CSMD3: variants seen among roughly 807,000 people sequenced by gnomAD.
The protein encoded by CSMD3 is CUB and Sushi multiple domains 3.
Under a neutral mutation model 435.2 loss-of-function variants are expected in CSMD3, and 177 were observed. The ratio of observed to expected loss-of-function variants is 0.41; its 90% CI spans 0.36 to 0.46. The LOEUF (loss-of-function observed/expected upper bound fraction) is 0.46, where lower values mean the gene tolerates loss of function less well. CSMD3 is among the 20% of genes least tolerant of loss of function. The pLI is 0.34. For synonymous variants in CSMD3, 1,656 were observed against 1,520.5 expected (o/e 1.09, Z -2.07); for missense variants, 4,265 against 4,504.6 (o/e 0.95, Z 1.52).
At chr8:112,612,904 AT>A (rs35820843) in intron 22 of CSMD3, among the ~76,000 whole-genome samples, 14 of 29,576 alleles carry the variant, frequency 4.7e-4, no homozygotes, top group South Asian at 1.1e-3. Context: ...TATTATTATT[AT>A]TTTTTTTTTG....
chr8:112,857,010 A>C (rs1214993513), intron 11 of CSMD3, among the ~76,000 whole-genome samples: 4 of 151,904 alleles, frequency 2.6e-5, no homozygotes, highest in East Asian at 3.9e-4. Flanking sequence ...TTTAATAATA[A>C]ACAGATTACA....
At chr8:112,243,513 C>G (rs1018635469) in intron 65 of CSMD3, among the ~76,000 whole-genome samples, 2 of 152,034 alleles carry the variant, frequency 1.3e-5, no homozygotes, top group Non-Finnish European at 2.9e-5. Flanking sequence ...TCACCCAGAT[C>G]TGGTCCAAAT....
chr8:112,414,557 A>G (rs1006722229), intron 32 of CSMD3, among the ~76,000 whole-genome samples: 3 of 152,210 alleles, frequency 2.0e-5, no homozygotes, highest in Non-Finnish European at 2.9e-5. Flanking sequence ...GCAGTGTGAG[A>G]ACAGGCTAAT....
intron 10 of CSMD3, among the ~76,000 whole-genome samples, chr8:112,910,235 G>A (rs984525244): frequency 6.6e-6 from 1 of 151,660 alleles, no homozygotes; most frequent in Non-Finnish European, 1.5e-5. Context: ...AGCCAGGGAT[G>A]GGGATCACTG....
intron 30 of CSMD3, among the ~76,000 whole-genome samples, chr8:112,494,539 CTTTCTTTCT>C (rs1172722553): frequency 1.4e-4 from 17 of 121,580 alleles, no homozygotes; most frequent in Admixed American, 2.5e-4. Flanking sequence ...TTCTTTCTTT[CTTTCTTTCT>C]TTCTTTCTTT....
chr8:113,249,115 G>A (rs1167853479), intron 3 of CSMD3, among the ~76,000 whole-genome samples: 1 of 151,916 alleles, frequency 6.6e-6, no homozygotes, highest in African/African-American at 2.4e-5. Flanking sequence ...CTTAATATGG[G>A]GAATTCCCCT....
At chr8:113,018,876 A>T in intron 6 of CSMD3, 191 bp downstream of exon 6, 1 of 595,870 alleles carries the variant, frequency 1.7e-6, no homozygotes, top group Non-Finnish European at 3.0e-6. Context: ...ATATTATACT[A>T]TAAAATCAAC....
chr8:112,684,179 A>C (rs533002227), intron 15 of CSMD3, among the ~76,000 whole-genome samples: 1 of 152,152 alleles, frequency 6.6e-6, no homozygotes, highest in African/African-American at 2.4e-5. Context: ...TTATAGATAG[A>C]TAGATGCATA....
At chr8:112,978,980 T>C (rs951180522) in intron 6 of CSMD3, among the ~76,000 whole-genome samples, 2 of 151,942 alleles carry the variant, frequency 1.3e-5, no homozygotes, top group Non-Finnish European at 1.5e-5. Context: ...ATTATAATTG[T>C]TACCATGCAA....
Position 113,153,126 on chromosome 8 carries a change from A to AAG in CSMD3, c.709+20595_709+20596insCT, listed in dbSNP as rs1429322418. Reference sequence around the variant, plus strand: ...AAAAGAAAGAAAGAAAGAAAGAAAGAGAAAGAAGGAAGGAAGGAAGGAAGG... The same window carrying AAG: ...AAAAGAAAGAAAGAAAGAAAGAAAGAAGGAAAGAAGGAAGGAAGGAAGGAAGG... On this transcript the variant is annotated intron_variant, in intron 4 of 70. Transcript: ENST00000297405. Among the ~76,000 whole-genome samples, 586 of 63,900 alleles carry AAG rather than the reference A, an allele frequency of 9.2e-3. 7 individuals are homozygous for AAG. The highest frequency in any genetic ancestry group is 0.027 in the East Asian group (58 of 2,132). 41.9% of individuals were successfully genotyped at this position (63,900 alleles called of 152,430 possible).
chr8:113,339,948 G>A (rs1252478494), intron 1 of CSMD3, among the ~76,000 whole-genome samples: 1 of 151,844 alleles, frequency 6.6e-6, no homozygotes, highest in Non-Finnish European at 1.5e-5. Flanking sequence ...ATTAGTGCCT[G>A]TACTTATAAT....
intron 5 of CSMD3, among the ~76,000 whole-genome samples, chr8:113,061,047 C>A (rs1479706052): frequency 6.6e-6 from 1 of 152,112 alleles, no homozygotes; most frequent in African/African-American, 2.4e-5. Context: ...ATCTCACAAA[C>A]CCCCTGGAGA....
At chr8:112,511,200 C>T (rs957824165) in intron 28 of CSMD3, among the ~76,000 whole-genome samples, 9 of 151,938 alleles carry the variant, frequency 5.9e-5, no homozygotes, top group African/African-American at 2.2e-4. Context: ...AGCATTGTGT[C>T]TAAAAAATGT....
intron 45 of CSMD3, among the ~76,000 whole-genome samples, chr8:112,320,410 G>A (rs1305236944): frequency 6.6e-6 from 1 of 151,996 alleles, no homozygotes; most frequent in Non-Finnish European, 1.5e-5. Context: ...CTTTATTCCA[G>A]ACAGTATTAT....
At chr8:113,404,299 A>C (rs1468624001) in intron 1 of CSMD3, among the ~76,000 whole-genome samples, 3 of 151,472 alleles carry the variant, frequency 2.0e-5, no homozygotes, top group Admixed American at 2.0e-4. Flanking sequence ...GTATAACAGG[A>C]ATAAATTAGA....
At chr8:112,806,886 G>A (rs2079101061) in intron 12 of CSMD3, among the ~76,000 whole-genome samples, 1 of 152,186 alleles carries the variant, frequency 6.6e-6, no homozygotes, top group African/African-American at 2.4e-5. Flanking sequence ...CATGCCGTTT[G>A]TTTAAATAAT....
At chr8:112,323,689 T>TA (rs1477428706) in intron 45 of CSMD3, among the ~76,000 whole-genome samples, 1 of 152,068 alleles carries the variant, frequency 6.6e-6, no homozygotes, top group African/African-American at 2.4e-5. Context: ...AGTAAACTAA[T>TA]ACACCTGTGT....
chr8:112,881,122 T>G (rs949233410), intron 10 of CSMD3, among the ~76,000 whole-genome samples: 12 of 151,996 alleles, frequency 7.9e-5, no homozygotes, highest in African/African-American at 2.7e-4. Flanking sequence ...AATCACACAG[T>G]TGTGAACCAG....
intron 20 of CSMD3, 37 bp from the exon 21 acceptor site, chr8:112,638,948 G>C: frequency 7.2e-7 from 1 of 1,385,656 alleles, no homozygotes; most frequent in Non-Finnish European, 1.0e-6. Flanking sequence ...TTTACAGGTA[G>C]ATCAGTAAAA....
Sources: gnomAD v4.1 joint callset for allele counts (sites outside exome capture counted in the v4.1 genomes callset) on GRCh38, gnomAD v4.1.1 for gene constraint, MANE v1.5 for transcripts, NCBI Gene and HGNC (gene_info 2026-07-23, HGNC 2026-07-21) for gene names.